Variants in SLC17A8 observed in about 807,000 individuals in gnomAD.
SLC17A8 encodes the protein vesicular glutamate transporter 3.
A neutral mutation model predicts 58.0 loss-of-function variants in SLC17A8; 31 were observed. That is an observed-to-expected ratio of 0.53 (90% CI 0.40 to 0.72). The LOEUF is 0.72. SLC17A8 is among the 30% of genes least tolerant of loss of function. The probability of loss-of-function intolerance (pLI) is 0.00; values close to 1 mark genes in which losing one functional copy is unlikely to be tolerated. For synonymous variants in SLC17A8, 228 were observed against 249.0 expected (o/e 0.92, Z 0.79); for missense variants, 655 against 727.8 (o/e 0.90, Z 1.15).
chr12:100,402,193 A>G (rs1469573788), intron 6 of SLC17A8, 147 bp from the exon 7 acceptor site: 17 of 796,782 alleles, frequency 2.1e-5, no homozygotes, highest in Non-Finnish European at 2.8e-5. Context: ...ACGTGCATGT[A>G]TGAGATGTCT....
intron 11 of SLC17A8, 138 bp from the exon 12 acceptor site, chr12:100,419,677 C>A (rs996617758): frequency 5.3e-6 from 4 of 752,230 alleles, no homozygotes; most frequent in African/African-American, 5.2e-5. Flanking sequence ...TTCTGACACA[C>A]GTCCTCCCGC....
Position 100,366,179 on chromosome 12 carries a change from TA to T in SLC17A8, c.101+8689del, listed in dbSNP as rs575722545. ...ATAATCTCTGTCATTCTGCATAATA[TA>T]ATACTGTTTTTGATTTATCTTCTTA... On this transcript the variant is annotated intron_variant, in intron 1 of 11. Transcript: ENST00000323346. Among the ~76,000 whole-genome samples the T allele has an allele frequency of 2.4e-3, 359 of 151,700 alleles. 1 individual carries two copies. Among genetic ancestry groups the T allele is most frequent in the African/African-American group, 8.0e-3 (330 of 41,404 alleles).
rs1952950598 is a variant in SLC17A8, at chr12:100,421,668, T to G, written c.*1509T>G. 1 of 83,378 alleles carries G rather than the reference T, an allele frequency of 1.2e-5. No homozygotes were observed. The highest frequency in any genetic ancestry group is 2.2e-4 in the East Asian group (1 of 4,636). 5.2% of individuals were successfully genotyped at this position (83,378 alleles called of 1,614,324 possible). ...TTATTATTGTAAAGTGTTTTTTTTT[T>G]TTTTTTTTTTTTCTAATTTCTCCCA... On this transcript the variant is annotated 3_prime_UTR_variant, in exon 12 of 12. Coordinates refer to ENST00000323346, the MANE Select transcript of SLC17A8 (RefSeq NM_139319.3).
intron 9 of SLC17A8, among the ~76,000 whole-genome samples, chr12:100,410,176 A>G (rs1566403401): frequency 6.6e-6 from 1 of 152,120 alleles, no homozygotes; most frequent in Non-Finnish European, 1.5e-5. Context: ...CCTGGCCAAC[A>G]TGGGGAAACC....
At chr12:100,368,906 G>T (rs1952539666) in intron 1 of SLC17A8, among the ~76,000 whole-genome samples, 1 of 152,166 alleles carries the variant, frequency 6.6e-6, no homozygotes, top group South Asian at 2.1e-4. Flanking sequence ...GAAATATGTT[G>T]TATCATTCAA....
intron 1 of SLC17A8, among the ~76,000 whole-genome samples, chr12:100,370,653 A>G (rs1204949388): frequency 2.0e-5 from 3 of 151,102 alleles, no homozygotes; most frequent in Non-Finnish European, 2.9e-5. Context: ...CCATACACAC[A>G]TTATACCAGA....
chr12:100,418,265 C>A, intron 11 of SLC17A8, 109 bp downstream of exon 11: 1 of 1,386,690 alleles, frequency 7.2e-7, no homozygotes, highest in Non-Finnish European at 1.0e-6. Flanking sequence ...ATGTCCTTGA[C>A]CTTGACTGAG....
rs1952940688 is a variant in SLC17A8 at position 100,420,406 on chromosome 12, A to G, written c.*247A>G. The G allele has an allele frequency of 2.1e-6, 1 of 467,424 alleles. No individual in the cohort carries two copies. Among genetic ancestry groups the G allele is most frequent in the African/African-American group, 1.9e-5 (1 of 51,694 alleles). 29.0% of individuals were successfully genotyped at this position (467,424 alleles called of 1,614,324 possible). A position where few individuals can be genotyped will look rare whatever the true frequency, so the allele number is the denominator to read the frequency against. Reference sequence around the variant, plus strand: ...CAGTTGACCCTTCTCTCAAAGAGCTAAACTTATTCAGAAAGGAATGACTAG... The same window carrying G: ...CAGTTGACCCTTCTCTCAAAGAGCTGAACTTATTCAGAAAGGAATGACTAG... On this transcript the variant is annotated 3_prime_UTR_variant, in exon 12 of 12. Coordinates refer to ENST00000323346, the MANE Select transcript of SLC17A8 (RefSeq NM_139319.3).
At chr12:100,407,794 G>A (rs921646191) in intron 9 of SLC17A8, among the ~76,000 whole-genome samples, 5 of 151,886 alleles carry the variant, frequency 3.3e-5, no homozygotes, top group African/African-American at 9.7e-5. Context: ...TTTTAGTAGA[G>A]GCGGGGTTTC....
intron 9 of SLC17A8, among the ~76,000 whole-genome samples, chr12:100,405,095 G>A (rs1326370366): frequency 1.3e-5 from 2 of 152,250 alleles, no homozygotes; most frequent in Non-Finnish European, 2.9e-5. Context: ...GGACACAGGA[G>A]CAGGCATGAT....
intron 8 of SLC17A8, among the ~76,000 whole-genome samples, 172 bp from the exon 9 acceptor site, chr12:100,403,866 A>C (rs1952808189): frequency 1.3e-5 from 2 of 152,182 alleles, no homozygotes; most frequent in African/African-American, 2.4e-5. Flanking sequence ...TCATTCGCTC[A>C]TTCATCATTT....
chr12:100,373,540 G>A (rs1162124734), intron 1 of SLC17A8, among the ~76,000 whole-genome samples: 1 of 150,948 alleles, frequency 6.6e-6, no homozygotes, highest in Non-Finnish European at 1.5e-5. Flanking sequence ...CCTGGGATCA[G>A]GGAGACCTTC....
intron 9 of SLC17A8, among the ~76,000 whole-genome samples, chr12:100,405,378 A>C (rs906580035): frequency 2.0e-5 from 3 of 152,132 alleles, no homozygotes; most frequent in Non-Finnish European, 4.4e-5. Context: ...ATGTTTCCTT[A>C]CATGTCAAAA....
At chr12:100,399,054 G>T (rs1952772231) in intron 5 of SLC17A8, among the ~76,000 whole-genome samples, 1 of 152,178 alleles carries the variant, frequency 6.6e-6, no homozygotes, top group African/African-American at 2.4e-5. Flanking sequence ...TCAGCAGCAT[G>T]AAATCAGACT....
Position 100,357,438 on chromosome 12 carries a change from C to G in SLC17A8, c.47C>G (p.Pro16Arg). ...ACCTTCAAAGAAAAAATTCTGAAAC[C>G]TGGGAAGGAAGGAGTGAAGAACGCC... ...FDTFKEKILK[P>R]GKEGVKNAVG... The change falls in exon 1 of 12, where the codon CCT (proline) becomes CGT (arginine). Residue 16 changes from proline (P) to arginine (R), a missense_variant. Physicochemically the swap from Pro to Arg is moderately radical, Grantham distance 103. Coordinates refer to ENST00000323346, the MANE Select transcript of SLC17A8 (RefSeq NM_139319.3). The G allele has an allele frequency of 6.2e-7, 1 of 1,613,932 alleles. No individual in the cohort carries two copies. The highest frequency in any genetic ancestry group is 2.2e-5 in the East Asian group (1 of 44,880).
chr12:100,369,051 G>A (rs544795551), intron 1 of SLC17A8, among the ~76,000 whole-genome samples: 1 of 152,204 alleles, frequency 6.6e-6, no homozygotes, highest in South Asian at 2.1e-4. Context: ...GGCAGGGAGA[G>A]GATCACCTGA....
rs1378768196 is a variant in SLC17A8, at chr12:100,380,208, A to AAAC, written c.102-491_102-490insCAA. Among the ~76,000 whole-genome samples, 507 of 149,960 alleles carry AAAC rather than the reference A, an allele frequency of 3.4e-3. 6 individuals are homozygous for AAAC. The highest frequency in any genetic ancestry group is 0.011 in the African/African-American group (444 of 41,202). ...GCAACAAAAGCAAAACTCCGTCTCAAAAAAAAAAAAAAAGACTTAGAAAGG... is the reference window on the plus strand; with the variant it reads ...GCAACAAAAGCAAAACTCCGTCTCAAAACAAAAAAAAAAAAAGACTTAGAAAGG... On this transcript the variant is annotated intron_variant, in intron 1 of 11. Coordinates refer to ENST00000323346, the MANE Select transcript of SLC17A8 (RefSeq NM_139319.3).
intron 1 of SLC17A8, among the ~76,000 whole-genome samples, chr12:100,370,982 T>G (rs1441870776): frequency 6.6e-6 from 1 of 152,122 alleles, no homozygotes; most frequent in Non-Finnish European, 1.5e-5. Context: ...ATGAGAGACA[T>G]AGATACTGTG....
chr12:100,373,148 G>C (rs533699731), intron 1 of SLC17A8, among the ~76,000 whole-genome samples: 3 of 152,058 alleles, frequency 2.0e-5, no homozygotes, highest in Admixed American at 6.6e-5. Flanking sequence ...TGCAGACCGC[G>C]GCTGTCTATA....
Sources: allele counts gnomAD v4.1 joint callset (sites outside exome capture counted in the v4.1 genomes callset), GRCh38; gene constraint gnomAD v4.1.1; transcripts MANE v1.5; gene names NCBI Gene and HGNC (gene_info 2026-07-23, HGNC 2026-07-21).